Variants in PPARA observed in about 807,000 individuals in gnomAD.
PPARA encodes the protein peroxisome proliferator-activated receptor alpha.
Under a neutral mutation model 42.2 loss-of-function variants are expected in PPARA, and 22 were observed. The ratio of observed to expected loss-of-function variants is 0.52; its 90% CI spans 0.37 to 0.74. The LOEUF (loss-of-function observed/expected upper bound fraction) is 0.74. Ranked by LOEUF, PPARA falls within the 30% of genes least tolerant of loss-of-function variation. PPARA has a pLI of 0.00. For synonymous variants in PPARA, 242 were observed against 239.3 expected, an observed-to-expected ratio of 1.01 and a Z score of -0.10; for missense variants, 465 against 608.2, an observed-to-expected ratio of 0.76 and a Z score of 2.48.
rs1447970679 is a variant in PPARA, at chr22:46,165,440, A to T, written c.-126-11313A>T. 6.6e-6 allele frequency: 1 copy of T among 152,228 alleles called. No homozygotes were observed. Among genetic ancestry groups the T allele is most frequent in the East Asian group, 1.9e-4 (1 of 5,196 alleles). 9.4% of individuals were successfully genotyped at this position (152,228 alleles called of 1,614,324 possible). A position where few individuals can be genotyped will look rare whatever the true frequency, so the allele number is the denominator to read the frequency against. ...GGAGGAATTGGAGAGTTTACAAGATAGTGAAGAACTGCCAGGCCATGGTCT... is the reference window on the plus strand; with the variant it reads ...GGAGGAATTGGAGAGTTTACAAGATTGTGAAGAACTGCCAGGCCATGGTCT... On this transcript the variant is annotated intron_variant, in intron 2 of 8. Transcript: ENST00000407236. The surrounding 1 kb of genome is among the most constrained non-coding windows in gnomAD (Gnocchi z 5.5).
At position 46,231,007 on chromosome 22, in the gene PPARA, C is replaced by T. The variant is rs540543953; in HGVS notation, c.712-785C>T. On this transcript the variant is annotated intron_variant, in intron 7 of 8. Transcript: ENST00000407236. The surrounding 1 kb of genome is among the most constrained non-coding windows in gnomAD (Gnocchi z 7.7). Reference sequence around the variant, plus strand: ...ATTAAAGGTGCTTTGCTAATGTCCTCGTTAGTTTTGTTTTGACAAAATCAG... The same window carrying T: ...ATTAAAGGTGCTTTGCTAATGTCCTTGTTAGTTTTGTTTTGACAAAATCAG... 2.0e-5 allele frequency among the ~76,000 whole-genome samples: 3 copies of T among 152,024 alleles called. No homozygotes were observed. The highest frequency in any genetic ancestry group is 6.6e-5 in the Admixed American group (1 of 15,254).
intron 3 of PPARA, among the ~76,000 whole-genome samples, 151 bp from the exon 4 acceptor site, chr22:46,198,191 T>C (rs562449069): frequency 8.5e-5 from 12 of 141,306 alleles, no homozygotes; most frequent in Non-Finnish European, 1.8e-4. Context: ...TGAGCCGAGA[T>C]TGTGCCCCTG....
At chr22:46,177,284 G>A (rs1273821059) in intron 3 of PPARA, among the ~76,000 whole-genome samples, 1 of 151,720 alleles carries the variant, frequency 6.6e-6, no homozygotes, top group Admixed American at 6.6e-5. Context: ...CTATTTTATT[G>A]AGCATTAATT....
In PPARA at chr22:46,183,046, A is replaced by G. The variant is rs1246256787; in HGVS notation, c.-43+6210A>G. 6.6e-6 allele frequency among the ~76,000 whole-genome samples: 1 copy of G among 152,172 alleles called. No individual in the cohort carries two copies. The highest frequency in any genetic ancestry group is 1.9e-4 in the East Asian group (1 of 5,190). On this transcript the variant is annotated intron_variant, in intron 3 of 8. Coordinates refer to ENST00000407236, the MANE Select transcript of PPARA (RefSeq NM_005036.6). The surrounding 1 kb of genome is among the most constrained non-coding windows in gnomAD (Gnocchi z 5.5). ...AGGCATGAGCCACAGCACCGGGCCC[A>G]TAAAGCTGTCTTTTAAATGAAAAAA...
chr22:46,199,927 T>TG (rs1229955389), intron 4 of PPARA, among the ~76,000 whole-genome samples: 1 of 152,116 alleles, frequency 6.6e-6, no homozygotes, highest in Non-Finnish European at 1.5e-5. Flanking sequence ...TTCACCGTGT[T>TG]GGCCAGGCTG....
Position 46,165,636 on chromosome 22 carries a change from A to G in PPARA, c.-126-11117A>G, listed in dbSNP as rs1926933538. On this transcript the variant is annotated intron_variant, in intron 2 of 8. Transcript: ENST00000407236. This position sits in a 1 kb window ranked among gnomAD's most constrained non-coding sequence, Gnocchi z 5.5. ...CCCAAAAAAGCTCCATCCCAGGAGT[A>G]CAGGTGACCTGGAAACGGATCAGCG... Among the ~76,000 whole-genome samples, 1 of 152,328 alleles carries G rather than the reference A, an allele frequency of 6.6e-6. No individual in the cohort carries two copies. Among genetic ancestry groups the G allele is most frequent in the East Asian group, 1.9e-4 (1 of 5,188 alleles).
At chr22:46,176,394 G>T (rs1249239112) in intron 2 of PPARA, among the ~76,000 whole-genome samples, 2 of 152,002 alleles carry the variant, frequency 1.3e-5, no homozygotes, top group Non-Finnish European at 2.9e-5. Context: ...GCTGAGGCAG[G>T]AGAATCACTT....
At position 46,224,345 on chromosome 22, in the gene PPARA, A is replaced by G. The variant is rs1224160574; in HGVS notation, c.711+4331A>G. ...GGCAGGATGCCCACCACCAGGCCAC[A>G]CTGCCTGAATCTATTGGCAGAGCTC... On this transcript the variant is annotated intron_variant, in intron 7 of 8. Coordinates refer to ENST00000407236, the MANE Select transcript of PPARA (RefSeq NM_005036.6). This position sits in a 1 kb window ranked among gnomAD's most constrained non-coding sequence, Gnocchi z 5.7. Among the ~76,000 whole-genome samples, 1 of 152,232 alleles carries G rather than the reference A, an allele frequency of 6.6e-6. No individual in the cohort carries two copies. Among genetic ancestry groups the G allele is most frequent in the Non-Finnish European group, 1.5e-5 (1 of 68,044 alleles).
rs1247850034 is a variant in PPARA at position 46,225,791 on chromosome 22, CCA to C, written c.711+5782_711+5783del. ...CATGCACGTGTAAACACACACACCC[CCA>C]CACATACACGTGCACCCACACATGC... On this transcript the variant is annotated intron_variant, in intron 7 of 8. Coordinates refer to ENST00000407236, the MANE Select transcript of PPARA (RefSeq NM_005036.6). The surrounding 1 kb of genome is among the most constrained non-coding windows in gnomAD (Gnocchi z 4.1). Among the ~76,000 whole-genome samples the C allele has an allele frequency of 7.4e-6, 1 of 135,152 alleles. No individual in the cohort carries two copies. Among genetic ancestry groups the C allele is most frequent in the Non-Finnish European group, 1.6e-5 (1 of 64,146 alleles). 88.7% of individuals were successfully genotyped at this position (135,152 alleles called of 152,430 possible).
rs1935530127 is a variant in PPARA at position 46,227,238 on chromosome 22, C to T, written c.712-4554C>T. On this transcript the variant is annotated intron_variant, in intron 7 of 8. Transcript: ENST00000407236. This position sits in a 1 kb window ranked among gnomAD's most constrained non-coding sequence, Gnocchi z 4.3. ...ATCCAAAGCAGTTCTACCAGTGCTTCACATTTATTTTTTATTTATTTATTT... is the reference window on the plus strand; with the variant it reads ...ATCCAAAGCAGTTCTACCAGTGCTTTACATTTATTTTTTATTTATTTATTT... Among the ~76,000 whole-genome samples the T allele has an allele frequency of 6.6e-6, 1 of 151,908 alleles. No individual in the cohort carries two copies. Among genetic ancestry groups the T allele is most frequent in the South Asian group, 2.1e-4 (1 of 4,830 alleles).
chr22:46,232,326 C>A lies in PPARA; in HGVS notation c.1159+87C>A. The A allele has an allele frequency of 7.2e-7, 1 of 1,388,502 alleles. No individual in the cohort carries two copies. Among genetic ancestry groups the A allele is most frequent in the Non-Finnish European group, 1.0e-6 (1 of 979,018 alleles). 86.0% of individuals were successfully genotyped at this position (1,388,502 alleles called of 1,614,324 possible). On this transcript the variant is annotated intron_variant, in intron 8 of 8. Transcript: ENST00000407236. This position sits in a 1 kb window ranked among gnomAD's most constrained non-coding sequence, Gnocchi z 5.3. The stretch of plus-strand genomic sequence containing the variant: ...TGACAATGGGAAATCCAGTACCAGC[C>A]TGAGCTGTTCCAGTGGAGGGGACAC...
rs1241170670 is a variant in PPARA, at chr22:46,224,379, T to C, written c.711+4365T>C. Among the ~76,000 whole-genome samples the C allele has an allele frequency of 6.6e-6, 1 of 152,236 alleles. No homozygotes were observed. The highest frequency in any genetic ancestry group is 1.9e-4 in the East Asian group (1 of 5,204). On this transcript the variant is annotated intron_variant, in intron 7 of 8. Coordinates refer to ENST00000407236, the MANE Select transcript of PPARA (RefSeq NM_005036.6). The surrounding 1 kb of genome is among the most constrained non-coding windows in gnomAD (Gnocchi z 5.7). ...ATCTATTGGCAGAGCTCTGGTTTTG[T>C]GGCCAAGGTGGGTAGTGGAAGACCA...
At position 46,230,809 on chromosome 22, in the gene PPARA, G is replaced by A. The variant is rs1215172456; in HGVS notation, c.712-983G>A. ...AAGAGTTTCACAACGCTTGTTTGCC[G>A]ATTTCTACATAGATGCCACCTTTCT... On this transcript the variant is annotated intron_variant, in intron 7 of 8. Coordinates refer to ENST00000407236, the MANE Select transcript of PPARA (RefSeq NM_005036.6). This position sits in a 1 kb window ranked among gnomAD's most constrained non-coding sequence, Gnocchi z 5.0. Among the ~76,000 whole-genome samples the A allele has an allele frequency of 6.6e-6, 1 of 152,188 alleles. No homozygotes were observed.
At chr22:46,179,683 A>C (rs1384145448) in intron 3 of PPARA, among the ~76,000 whole-genome samples, 5 of 152,246 alleles carry the variant, frequency 3.3e-5, no homozygotes, top group Admixed American at 6.5e-5. Context: ...GACACCGAGA[A>C]CACAATCTAT....
chr22:46,185,894 C>CAAAAAAAAAAAAAAAA lies in PPARA; in HGVS notation c.-43+9058_-43+9059insAAAAAAAAAAAAAAAA, dbSNP rs1279499029. Among the ~76,000 whole-genome samples the CAAAAAAAAAAAAAAAA allele has an allele frequency of 1.4e-4, 3 of 20,862 alleles. 1 individual carries two copies. The highest frequency in any genetic ancestry group is 2.3e-4 in the Non-Finnish European group (3 of 13,278). 13.7% of individuals were successfully genotyped at this position (20,862 alleles called of 152,430 possible). On this transcript the variant is annotated intron_variant, in intron 3 of 8. Transcript: ENST00000407236. ...TGGGTGACAAAGTGAGACTCCGTCT[C>CAAAAAAAAAAAAAAAA]CAAAAAAAAAAAAAAAAAAAAAATA...
At position 46,234,631 on chromosome 22, in the gene PPARA, T is replaced by C. The variant is rs888474279; in HGVS notation, c.1160-502T>C. 3.9e-5 allele frequency among the ~76,000 whole-genome samples: 6 copies of C among 152,074 alleles called. No homozygotes were observed. Among genetic ancestry groups the C allele is most frequent in the African/African-American group, 1.4e-4 (6 of 41,402 alleles). On this transcript the variant is annotated intron_variant, in intron 8 of 8. Transcript: ENST00000407236. This position sits in a 1 kb window ranked among gnomAD's most constrained non-coding sequence, Gnocchi z 5.8. The stretch of plus-strand genomic sequence containing the variant: ...GATTCTCCCACCTCAGCCTCCCGAG[T>C]ATCTGGGATTACAGGCGTGAGCCAC...
Position 46,240,532 on chromosome 22 carries a change from C to G in PPARA, c.*5152C>G, listed in dbSNP as rs1474703665. The G allele has an allele frequency of 6.1e-6, 2 of 326,314 alleles. No individual in the cohort carries two copies. The highest frequency in any genetic ancestry group is 9.5e-5 in the East Asian group (2 of 21,078). The allele number at this position is 326,314 out of a possible 1,614,324, so 20.2% of individuals were successfully genotyped here. A position where few individuals can be genotyped will look rare whatever the true frequency, so the allele number is the denominator to read the frequency against. ...GATCCCGAGGGATTACTTTTTAGAC[C>G]TTCTTTCACATTCAGAAAAGTAGTA... On this transcript the variant is annotated 3_prime_UTR_variant, in exon 9 of 9. Coordinates refer to ENST00000407236, the MANE Select transcript of PPARA (RefSeq NM_005036.6). The surrounding 1 kb of genome is among the most constrained non-coding windows in gnomAD (Gnocchi z 6.0).
chr22:46,225,914 C>T lies in PPARA; in HGVS notation c.712-5878C>T, dbSNP rs964473304. Reference sequence around the variant, plus strand: ...ACACATGTACCCACACCTGTGTGTACACACACACATGCATGCTCACACACA... The same window carrying T: ...ACACATGTACCCACACCTGTGTGTATACACACACATGCATGCTCACACACA... On this transcript the variant is annotated intron_variant, in intron 7 of 8. Coordinates refer to ENST00000407236, the MANE Select transcript of PPARA (RefSeq NM_005036.6). The surrounding 1 kb of genome is among the most constrained non-coding windows in gnomAD (Gnocchi z 4.1). Among the ~76,000 whole-genome samples the T allele has an allele frequency of 1.3e-5, 2 of 150,556 alleles. No homozygotes were observed. The highest frequency in any genetic ancestry group is 2.4e-5 in the African/African-American group (1 of 40,942).
chr22:46,194,299 C>G (rs1272759330), intron 3 of PPARA, among the ~76,000 whole-genome samples: 2 of 152,190 alleles, frequency 1.3e-5, no homozygotes, highest in Non-Finnish European at 2.9e-5. Context: ...ATAGCAAGAC[C>G]AATGTTTCTG....
Sources: allele counts gnomAD v4.1 joint callset (sites outside exome capture counted in the v4.1 genomes callset), GRCh38; gene constraint gnomAD v4.1.1; non-coding constraint Gnocchi (gnomAD v3.1); transcripts MANE v1.5; gene names NCBI Gene and HGNC (gene_info 2026-07-23, HGNC 2026-07-21).